Variants in ZNF180 observed in about 807,000 individuals in gnomAD.
ZNF180 encodes the protein zinc finger protein 180 (HHZ168).
Under a neutral mutation model 11.8 loss-of-function variants are expected in ZNF180, and 11 were observed. The ratio of observed to expected loss-of-function variants is 0.93; its 90% CI spans 0.59 to 1.55. The LOEUF (loss-of-function observed/expected upper bound fraction) is 1.55. Ranked by LOEUF, ZNF180 falls within the 40% of genes most tolerant of loss-of-function variation. ZNF180 has a pLI of 0.00. For missense variants in ZNF180, 773 were observed against 781.7 expected, an observed-to-expected ratio of 0.99 and a Z score of 0.13; for synonymous variants, 287 against 257.7, an observed-to-expected ratio of 1.11 and a Z score of -1.09.
chr19:44,477,606 T>A lies in ZNF180; in HGVS notation c.794A>T (p.Glu265Val). 1.2e-6 allele frequency: 2 copies of A among 1,614,108 alleles called. No homozygotes were observed. The highest frequency in any genetic ancestry group is 1.7e-6 in the Non-Finnish European group (2 of 1,180,010). ...FCHGTPLHIH[E>V]KIHGGGKTFD... ...GGTTTTTCCTCCTCCATGAATTTTT[T>A]CATGTATATGTAGGGGTGTACCATG... Residue 265 changes from glutamate to valine, a missense_variant, in exon 5 of 5, where the codon GAA (glutamate) becomes GTA (valine). Physicochemically the swap from Glu to Val is moderately radical, Grantham distance 121. Coordinates refer to ENST00000592529, the MANE Select transcript of ZNF180 (RefSeq NM_001278509.3).
chr19:44,498,572 G>A (rs1238465467), intron 1 of ZNF180, among the ~76,000 whole-genome samples: 1 of 152,106 alleles, frequency 6.6e-6, no homozygotes, highest in Non-Finnish European at 1.5e-5. Flanking sequence ...ATCAGGCTGT[G>A]ATCAGGGTTC....
chr19:44,476,234 T>C lies in ZNF180; in HGVS notation c.*168A>G. 1 of 619,838 alleles carries C rather than the reference T, an allele frequency of 1.6e-6. No homozygotes were observed. The highest frequency in any genetic ancestry group is 2.6e-6 in the Non-Finnish European group (1 of 387,974). The allele number at this position is 619,838 out of a possible 1,614,324, so 38.4% of individuals were successfully genotyped here. A position where few individuals can be genotyped will look rare whatever the true frequency, so the allele number is the denominator to read the frequency against. On this transcript the variant is annotated 3_prime_UTR_variant, in exon 5 of 5. Transcript: ENST00000592529. ...AGGTTGAAAAGTCGTTCATAGACTT[T>C]CCCCCTTTCTTTTCCAGAACAAATT...
chr19:44,488,909 T>C (rs1475578841), intron 2 of ZNF180, among the ~76,000 whole-genome samples: 4 of 146,648 alleles, frequency 2.7e-5, no homozygotes, highest in South Asian at 2.2e-4. Flanking sequence ...ACCCTCTGCC[T>C]GGCAACCGCC....
Position 44,500,511 on chromosome 19 carries a change from G to A in ZNF180, c.-280C>T. On this transcript the variant is annotated 5_prime_UTR_variant, in exon 1 of 5. Coordinates refer to ENST00000592529, the MANE Select transcript of ZNF180 (RefSeq NM_001278509.3). ...AGCAAGCGTCCGCGCGCGGGACAAT[G>A]GCTGCTCTTGTGGCCGAACCCGGAA... 1 of 531,806 alleles carries A rather than the reference G, an allele frequency of 1.9e-6. No homozygotes were observed. Among genetic ancestry groups the A allele is most frequent in the Admixed American group, 3.5e-5 (1 of 28,316 alleles). The allele number at this position is 531,806 out of a possible 1,614,324, so 32.9% of individuals were successfully genotyped here. A position where few individuals can be genotyped will look rare whatever the true frequency, so the allele number is the denominator to read the frequency against.
chr19:44,476,692 T>C lies in ZNF180; in HGVS notation c.1708A>G (p.Arg570Gly), dbSNP rs1969890415. 6.2e-7 allele frequency: 1 copy of C among 1,614,126 alleles called. No homozygotes were observed. The highest frequency in any genetic ancestry group is 1.3e-5 in the African/African-American group (1 of 74,948). The change falls in exon 5 of 5, where the codon AGA becomes GGA. Residue 570 changes from arginine (R) to glycine (G), a missense_variant. Transcript: ENST00000592529. ...TAGGGCTTTTCTCCAGTATGAGTTC[T>C]CTGATGTACAACAAGAACATAACTC... is the stretch of plus-strand genomic sequence containing the variant. Reference protein sequence around the residue: ...SQSYVLVVHQRTHTGEKPYEC... With the variant: ...SQSYVLVVHQGTHTGEKPYEC...
rs1970726744 is a variant in ZNF180 at position 44,500,508 on chromosome 19, A to T, written c.-277T>A. On this transcript the variant is annotated 5_prime_UTR_variant, in exon 1 of 5. Coordinates refer to ENST00000592529, the MANE Select transcript of ZNF180 (RefSeq NM_001278509.3). ...GACAGCAAGCGTCCGCGCGCGGGAC[A>T]ATGGCTGCTCTTGTGGCCGAACCCG... 3.7e-6 allele frequency: 2 copies of T among 539,372 alleles called. No individual in the cohort carries two copies. The highest frequency in any genetic ancestry group is 6.6e-6 in the Non-Finnish European group (2 of 303,466). The allele number at this position is 539,372 out of a possible 1,614,324, so 33.4% of individuals were successfully genotyped here.
rs911754960 is a variant in ZNF180 at position 44,500,269 on chromosome 19, A to G, written c.-44+6T>C. On this transcript the variant is annotated splice_donor_region_variant and intron_variant, in intron 1 of 4. Transcript: ENST00000592529. ...ACACCAAGCGCTGCCCCACGCCCCTACCAACCTGGGCGTCCGCTGGCCCGC... is the reference window on the plus strand; with the variant it reads ...ACACCAAGCGCTGCCCCACGCCCCTGCCAACCTGGGCGTCCGCTGGCCCGC... The G allele has an allele frequency of 6.2e-7, 1 of 1,613,066 alleles. No homozygotes were observed. Among genetic ancestry groups the G allele is most frequent in the Middle Eastern group, 1.6e-4 (1 of 6,062 alleles).
At chr19:44,480,974 CAG>C (rs1285169765) in intron 3 of ZNF180, among the ~76,000 whole-genome samples, 2 of 152,166 alleles carry the variant, frequency 1.3e-5, no homozygotes, top group Non-Finnish European at 2.9e-5. Flanking sequence ...CTTCAAATAA[CAG>C]TTCTGTTTCT....
chr19:44,492,351 C>T (rs1970469515), intron 2 of ZNF180, among the ~76,000 whole-genome samples: 1 of 147,580 alleles, frequency 6.8e-6, no homozygotes, highest in Admixed American at 6.9e-5. Context: ...TTTTACTCTA[C>T]TTTCTGTATG....
intron 1 of ZNF180, among the ~76,000 whole-genome samples, chr19:44,499,229 C>T (rs1462297613): frequency 6.6e-6 from 1 of 152,194 alleles, no homozygotes; most frequent in Non-Finnish European, 1.5e-5. Context: ...GGAACTGGGC[C>T]CTTTGTCCTT....
intron 2 of ZNF180, among the ~76,000 whole-genome samples, chr19:44,485,422 C>T (rs926198882): frequency 6.6e-6 from 1 of 152,152 alleles, no homozygotes; most frequent in African/African-American, 2.4e-5. Context: ...TTCAATAACA[C>T]ATTTTATTCT....
intron 1 of ZNF180, among the ~76,000 whole-genome samples, chr19:44,497,894 A>G (rs1170832016): frequency 1.3e-5 from 2 of 152,188 alleles, no homozygotes; most frequent in African/African-American, 4.8e-5. Flanking sequence ...TGATTCAACA[A>G]CTAAGACTGA....
At chr19:44,489,735 T>TAA (rs1335769941) in intron 2 of ZNF180, among the ~76,000 whole-genome samples, 1 of 51,916 alleles carries the variant, frequency 1.9e-5, no homozygotes, top group African/African-American at 7.9e-5. Flanking sequence ...GAATGATCAA[T>TAA]AAAAAAAAAA....
At chr19:44,482,208 G>A (rs1027796280) in intron 3 of ZNF180, among the ~76,000 whole-genome samples, 7 of 152,176 alleles carry the variant, frequency 4.6e-5, no homozygotes, top group African/African-American at 1.7e-4. Flanking sequence ...TCAGGAGGCT[G>A]AGGTTTGGAG....
intron 1 of ZNF180, 22 bp downstream of exon 1, chr19:44,500,253 G>T (rs12977470): frequency 1.2e-6 from 2 of 1,613,502 alleles, no homozygotes; most frequent in Non-Finnish European, 1.7e-6. Flanking sequence ...GACACCAAGC[G>T]CTGCCCCACG....
At chr19:44,496,776 T>C (rs1970599041) in intron 2 of ZNF180, 1 of 151,986 alleles carries the variant, frequency 6.6e-6, no homozygotes, top group African/African-American at 2.4e-5. Context: ...CTGATTGCTA[T>C]ATTTATAGTC....
At chr19:44,490,001 G>GAAAGAAAAGAAAAGAAAAGAAAAGA (rs1345288539) in intron 2 of ZNF180, among the ~76,000 whole-genome samples, 3 of 105,706 alleles carry the variant, frequency 2.8e-5, no homozygotes, top group African/African-American at 1.1e-4. Flanking sequence ...AAGCAAGAAA[G>GAAAGAAAAGAAAAGAAAAGAAAAGA]AAAGAAAAGA....
chr19:44,476,243 C>A lies in ZNF180; in HGVS notation c.*159G>T. The A allele has an allele frequency of 1.4e-6, 1 of 694,838 alleles. No individual in the cohort carries two copies. The highest frequency in any genetic ancestry group is 2.2e-6 in the Non-Finnish European group (1 of 455,840). The allele number at this position is 694,838 out of a possible 1,614,324, so 43.0% of individuals were successfully genotyped here. The stretch of plus-strand genomic sequence containing the variant: ...AGTCGTTCATAGACTTTCCCCCTTT[C>A]TTTTCCAGAACAAATTTGAGACACA... On this transcript the variant is annotated 3_prime_UTR_variant, in exon 5 of 5. Coordinates refer to ENST00000592529, the MANE Select transcript of ZNF180 (RefSeq NM_001278509.3).
chr19:44,499,409 C>G (rs1276020707), intron 1 of ZNF180, among the ~76,000 whole-genome samples: 2 of 152,252 alleles, frequency 1.3e-5, no homozygotes, highest in African/African-American at 4.8e-5. Context: ...TGGCAACATA[C>G]TGCTTCCTCC....
Sources: allele counts gnomAD v4.1 joint callset (sites outside exome capture counted in the v4.1 genomes callset), GRCh38; gene constraint gnomAD v4.1.1; transcripts MANE v1.5; gene names NCBI Gene and HGNC (gene_info 2026-07-23, HGNC 2026-07-21).